The following GRIK4 variants were observed in gnomAD, a reference collection of about 807,000 sequenced individuals.
The protein encoded by GRIK4 is glutamate ionotropic receptor kainate type subunit 4.
A neutral mutation model predicts 104.9 loss-of-function variants in GRIK4; 40 were observed. The ratio of observed to expected loss-of-function variants is 0.38; its 90% CI spans 0.30 to 0.50. The LOEUF (loss-of-function observed/expected upper bound fraction) is 0.50, where lower values mean the gene tolerates loss of function less well. GRIK4 is among the 20% of genes least tolerant of loss of function. The pLI, the probability that GRIK4 is intolerant of heterozygous loss-of-function variation, is 0.93. For missense variants in GRIK4, 1,047 were observed against 1,308.1 expected, an observed-to-expected ratio of 0.80 and a Z score of 3.08; for synonymous variants, 485 against 524.9, an observed-to-expected ratio of 0.92 and a Z score of 1.04.
At chr11:120,672,561 A>G (rs1272826410) in intron 3 of GRIK4, among the ~76,000 whole-genome samples, 1 of 152,224 alleles carries the variant, frequency 6.6e-6, no homozygotes, top group Non-Finnish European at 1.5e-5. Context: ...CTTCCTATCC[A>G]TGAGCATGGA....
intron 1 of GRIK4, among the ~76,000 whole-genome samples, chr11:120,641,102 T>C (rs1949467182): frequency 6.6e-6 from 1 of 152,268 alleles, no homozygotes; most frequent in South Asian, 2.1e-4. Flanking sequence ...CACTTTGCCA[T>C]ATCTGCAGGA....
intron 1 of GRIK4, among the ~76,000 whole-genome samples, chr11:120,553,185 G>T (rs961860649): frequency 6.6e-6 from 1 of 152,186 alleles, no homozygotes; most frequent in Non-Finnish European, 1.5e-5. Context: ...GGATGAACTT[G>T]CCCAGCCAGT....
At chr11:120,916,135 G>A (rs981631947) in intron 13 of GRIK4, among the ~76,000 whole-genome samples, 1 of 152,212 alleles carries the variant, frequency 6.6e-6, no homozygotes, top group Non-Finnish European at 1.5e-5. Flanking sequence ...ACATTTGGCT[G>A]ACACTTCTGT....
At chr11:120,930,310 T>C (rs1591297781) in intron 13 of GRIK4, among the ~76,000 whole-genome samples, 2 of 152,246 alleles carry the variant, frequency 1.3e-5, no homozygotes, top group African/African-American at 4.8e-5. Flanking sequence ...TTCAAGAAGT[T>C]TATCTAATGT....
chr11:120,677,030 A>G (rs1272014584), intron 3 of GRIK4, among the ~76,000 whole-genome samples: 3 of 152,190 alleles, frequency 2.0e-5, no homozygotes, highest in Admixed American at 6.5e-5. Flanking sequence ...ACCATTTTGC[A>G]TAAGAACCAG....
chr11:120,717,326 G>T (rs1950852224), intron 3 of GRIK4, among the ~76,000 whole-genome samples: 1 of 152,180 alleles, frequency 6.6e-6, no homozygotes, highest in Non-Finnish European at 1.5e-5. Flanking sequence ...GGCATCCTTT[G>T]GCAATGTTTA....
At chr11:120,798,882 TG>T (rs1952572525) in intron 3 of GRIK4, among the ~76,000 whole-genome samples, 1 of 152,198 alleles carries the variant, frequency 6.6e-6, no homozygotes, top group African/African-American at 2.4e-5. Context: ...GCAGTAATAT[TG>T]GGGGTTAGAA....
chr11:120,822,974 G>A (rs997207525), intron 6 of GRIK4, among the ~76,000 whole-genome samples: 5 of 152,238 alleles, frequency 3.3e-5, no homozygotes, highest in African/African-American at 7.2e-5. Flanking sequence ...CCACTGGGTG[G>A]TTTTCCTCCT....
At chr11:120,755,668 T>A (rs1161919155) in intron 3 of GRIK4, among the ~76,000 whole-genome samples, 2 of 151,018 alleles carry the variant, frequency 1.3e-5, no homozygotes, top group Non-Finnish European at 2.9e-5. Context: ...ATAATAAAAA[T>A]AATTTACTAT....
chr11:120,808,657 G>A (rs1157544097), intron 4 of GRIK4, among the ~76,000 whole-genome samples: 1 of 152,242 alleles, frequency 6.6e-6, no homozygotes, highest in African/African-American at 2.4e-5. Flanking sequence ...TACTCCCAGA[G>A]AGTTCAGAAT....
intron 11 of GRIK4, among the ~76,000 whole-genome samples, chr11:120,890,316 A>G (rs1415693298): frequency 6.6e-6 from 1 of 151,964 alleles, no homozygotes; most frequent in African/African-American, 2.4e-5. Flanking sequence ...GGAGAGGAGG[A>G]AAAAAAATGT....
chr11:120,591,401 A>G (rs1222563685), intron 1 of GRIK4, among the ~76,000 whole-genome samples: 3 of 152,076 alleles, frequency 2.0e-5, no homozygotes, highest in Non-Finnish European at 4.4e-5. Flanking sequence ...AGGGAAGCTG[A>G]TGCCTTAATA....
intron 1 of GRIK4, among the ~76,000 whole-genome samples, chr11:120,521,804 C>G (rs1022637361): frequency 6.6e-6 from 1 of 152,198 alleles, no homozygotes; most frequent in Admixed American, 6.5e-5. Context: ...TGAAGTAACT[C>G]GAGATCATTG....
chr11:120,609,380 G>A (rs1209859830), intron 1 of GRIK4, among the ~76,000 whole-genome samples: 2 of 151,766 alleles, frequency 1.3e-5, no homozygotes, highest in African/African-American at 4.8e-5. Flanking sequence ...AGCCTCCCAA[G>A]TAGCTGGGAC....
chr11:120,854,944 G>A (rs951735566), intron 8 of GRIK4, among the ~76,000 whole-genome samples: 1 of 152,162 alleles, frequency 6.6e-6, no homozygotes, highest in African/African-American at 2.4e-5. Flanking sequence ...GATTTAAAAT[G>A]CGGTGACTCC....
Position 120,985,892 on chromosome 11 carries a change from T to C in GRIK4, c.2515-12T>C. On this transcript the variant is annotated splice_polypyrimidine_tract_variant and intron_variant, in intron 20 of 20. Coordinates refer to ENST00000527524, the MANE Select transcript of GRIK4 (RefSeq NM_014619.5). ...TTGAGAGGCTGGGCCCTGACCTCGCTGTCTCCTCCAGGTGTCCGTCTGCCA... is the reference window on the plus strand; with the variant it reads ...TTGAGAGGCTGGGCCCTGACCTCGCCGTCTCCTCCAGGTGTCCGTCTGCCA... 6.4e-7 allele frequency: 1 copy of C among 1,551,016 alleles called. No individual in the cohort carries two copies. The highest frequency in any genetic ancestry group is 8.7e-7 in the Non-Finnish European group (1 of 1,147,282).
At chr11:120,890,253 A>G (rs911351028) in intron 11 of GRIK4, among the ~76,000 whole-genome samples, 9 of 152,172 alleles carry the variant, frequency 5.9e-5, no homozygotes, top group African/African-American at 2.2e-4. Context: ...TTCCAGATGG[A>G]GAAGGTTCAG....
At chr11:120,668,993 C>G (rs1229092967) in intron 3 of GRIK4, among the ~76,000 whole-genome samples, 1 of 152,158 alleles carries the variant, frequency 6.6e-6, no homozygotes, top group Non-Finnish European at 1.5e-5. Flanking sequence ...ACTGGGCCAG[C>G]CTGTTTCCAT....
chr11:120,793,764 T>C (rs1381099009), intron 3 of GRIK4, among the ~76,000 whole-genome samples: 2 of 136,622 alleles, frequency 1.5e-5, no homozygotes, highest in Admixed American at 7.1e-5. Flanking sequence ...AGGGGAAGGG[T>C]AGTGTTAGGG....
Sources: allele counts gnomAD v4.1 joint callset (sites outside exome capture counted in the v4.1 genomes callset), GRCh38; gene constraint gnomAD v4.1.1; transcripts MANE v1.5; gene names NCBI Gene and HGNC (gene_info 2026-07-23, HGNC 2026-07-21).